The following KCNT1 variants were observed in gnomAD, a reference collection of about 807,000 sequenced individuals.
KCNT1 encodes the protein potassium channel subfamily T member 1.
KCNT1 carries 78 observed loss-of-function variants against 147.8 expected under a neutral mutation model. The ratio of observed to expected loss-of-function variants is 0.53; its 90% CI spans 0.44 to 0.64. The LOEUF is 0.64. Among genes scored for constraint, KCNT1 ranks in the 30% least tolerant of loss-of-function variants. The probability of loss-of-function intolerance (pLI) is 0.00; values close to 1 mark genes in which losing one functional copy is unlikely to be tolerated. For missense variants in KCNT1, 1,419 were observed against 1,750.3 expected, an observed-to-expected ratio of 0.81 and a Z score of 3.38; for synonymous variants, 867 against 748.8, an observed-to-expected ratio of 1.16 and a Z score of -2.58.
intron 18 of KCNT1, among the ~76,000 whole-genome samples, chr9:135,772,462 G>T (rs939712141): frequency 6.6e-6 from 1 of 152,160 alleles, no homozygotes; most frequent in Non-Finnish European, 1.5e-5. Context: ...GGCCACAGCA[G>T]CTGGCCTGGG....
intron 28 of KCNT1, 170 bp from the exon 29 acceptor site, chr9:135,786,027 G>A: frequency 1.6e-6 from 1 of 614,618 alleles, no homozygotes; most frequent in South Asian, 2.0e-5. Context: ...GAGGAGGAAG[G>A]CACATGCACC....
In KCNT1 at chr9:135,751,006, C is replaced by A. The variant is rs377259793; in HGVS notation, c.399C>A (p.Arg133=). 26 of 1,612,572 alleles carry A rather than the reference C, an allele frequency of 1.6e-5. No individual in the cohort carries two copies. Among genetic ancestry groups the A allele is most frequent in the Non-Finnish European group, 2.2e-5 (26 of 1,179,854 alleles). Residue 133 remains arginine, a synonymous_variant, in exon 4 of 31, where the codon CGC becomes CGA. Transcript: ENST00000371757. ...TCACCTGCCTGCTCTACATTGTGCGCGTCCTGCTCGATGACCCGGCCCTGG... is the reference window on the plus strand; with the variant it reads ...TCACCTGCCTGCTCTACATTGTGCGAGTCCTGCTCGATGACCCGGCCCTGG... ...KLLTCLLYIV[R]VLLDDPALGI... is the part of the protein sequence containing the mutation.
chr9:135,764,316 G>A (rs1046430342), intron 11 of KCNT1, among the ~76,000 whole-genome samples: 1 of 152,106 alleles, frequency 6.6e-6, no homozygotes, highest in African/African-American at 2.4e-5. Context: ...AAAACTAGCT[G>A]GTCATGGTGG....
rs74827913 is a variant in KCNT1 at position 135,702,590 on chromosome 9, A to G, written c.110+222A>G. 0.019 allele frequency among the ~76,000 whole-genome samples: 2,887 copies of G among 152,140 alleles called. 110 individuals carry two copies. The highest frequency in any genetic ancestry group is 0.15 in the East Asian group (760 of 5,156). ...TGCCGAGGCAGCAGCGTCCGTCCCC[A>G]TCTGTCCTCGACCTGGTAAGAAGCT... is the stretch of plus-strand genomic sequence containing the variant. On this transcript the variant is annotated intron_variant, in intron 1 of 30. Transcript: ENST00000371757.
At chr9:135,791,760 T>TG (rs748458127) in intron 29 of KCNT1, 37 bp from the exon 30 acceptor site, 476 of 1,584,870 alleles carry the variant, frequency 3.0e-4, no homozygotes, top group Middle Eastern at 5.0e-4. Flanking sequence ...GGGGCAGGGC[T>TG]GGGGGGGTGA....
At chr9:135,729,264 G>C (rs1836335836) in intron 2 of KCNT1, among the ~76,000 whole-genome samples, 1 of 152,258 alleles carries the variant, frequency 6.6e-6, no homozygotes, top group African/African-American at 2.4e-5. Flanking sequence ...GGAGGCAGCA[G>C]GGAACTGAAC....
chr9:135,768,697 C>A (rs1418381518), intron 14 of KCNT1, 24 bp downstream of exon 14: 1 of 1,547,918 alleles, frequency 6.5e-7, no homozygotes, highest in Admixed American at 2.0e-5. Context: ...AGGCCCTGCC[C>A]AGGCGGGAGG....
intron 2 of KCNT1, among the ~76,000 whole-genome samples, chr9:135,749,033 C>T (rs1830998372): frequency 6.6e-6 from 1 of 152,226 alleles, no homozygotes; most frequent in East Asian, 1.9e-4. Flanking sequence ...CTCCCCCTTC[C>T]CAGAGACGGC....
At position 135,761,120 on chromosome 9, in the gene KCNT1, A is replaced by G. The variant is rs1006486363; in HGVS notation, c.1035+1261A>G. ...TGGGCTCAAGCGATCCTCCCGCCTCAGCCCCAGAAATAGCTGGGATTACAG... is the reference window on the plus strand; with the variant it reads ...TGGGCTCAAGCGATCCTCCCGCCTCGGCCCCAGAAATAGCTGGGATTACAG... On this transcript the variant is annotated intron_variant, in intron 11 of 30. Coordinates refer to ENST00000371757, the MANE Select transcript of KCNT1 (RefSeq NM_020822.3). 7.9e-5 allele frequency among the ~76,000 whole-genome samples: 12 copies of G among 152,188 alleles called. No homozygotes were observed. In the East Asian group the frequency reaches 2.3e-3, roughly 29 times the overall value.
At chr9:135,774,605 G>A (rs1427018932) in intron 19 of KCNT1, among the ~76,000 whole-genome samples, 1 of 151,710 alleles carries the variant, frequency 6.6e-6, no homozygotes, top group Non-Finnish European at 1.5e-5. Flanking sequence ...TACGTGTTGT[G>A]TGTTGTGTAT....
chr9:135,780,367 T>A (rs1349490147), intron 24 of KCNT1, among the ~76,000 whole-genome samples: 2 of 152,160 alleles, frequency 1.3e-5, no homozygotes, highest in Non-Finnish European at 2.9e-5. Flanking sequence ...GAGGATCTAC[T>A]GAGCCAGGCC....
intron 7 of KCNT1, 112 bp downstream of exon 7, chr9:135,757,044 T>A: frequency 1.2e-6 from 1 of 864,408 alleles, no homozygotes; most frequent in South Asian, 1.6e-5. Context: ...CCCAGCCTCA[T>A]CCACTGACCT....
intron 2 of KCNT1, among the ~76,000 whole-genome samples, chr9:135,725,590 T>C (rs1193970126): frequency 6.6e-6 from 1 of 152,156 alleles, no homozygotes; most frequent in Non-Finnish European, 1.5e-5. Flanking sequence ...GAGACCGCTG[T>C]AGTTTTGGGC....
At position 135,792,136 on chromosome 9, in the gene KCNT1, A is replaced by C. The variant is rs574776706; in HGVS notation, c.3683A>C (p.Glu1228Ala). Residue 1228 changes from glutamate to alanine, a missense_variant, in exon 31 of 31, where the codon GAG becomes GCG. Physicochemically the swap from Glu to Ala is moderately radical, Grantham distance 107. Around this residue, in one of 5 missense-constraint regions of KCNT1, gnomAD observed 306 missense variants for 294.2 expected, o/e 1.04. Transcript: ENST00000371757. ...CSHKLSSCNP[E>A]TRDETQL is the part of the protein sequence containing the mutation. ...CACAAGCTGTCGTCCTGCAACCCCG[A>C]GACTCGCGACGAGACACAGCTCTGA... The C allele has an allele frequency of 7.5e-6, 12 of 1,606,130 alleles. No homozygotes were observed. Among genetic ancestry groups the C allele is most frequent in the South Asian group, 1.1e-5 (1 of 90,840 alleles).
chr9:135,740,431 C>T (rs142391193), intron 2 of KCNT1, among the ~76,000 whole-genome samples: 1 of 152,322 alleles, frequency 6.6e-6, no homozygotes, highest in African/African-American at 2.4e-5. Context: ...ACTCTTCCCC[C>T]AGTCAGCCCA....
intron 2 of KCNT1, among the ~76,000 whole-genome samples, chr9:135,718,061 C>T (rs1835786921): frequency 6.6e-6 from 1 of 152,228 alleles, no homozygotes; most frequent in Non-Finnish European, 1.5e-5. Context: ...CCCAAGCTGA[C>T]CTGGAGGAGG....
At chr9:135,786,028 C>T in intron 28 of KCNT1, 169 bp from the exon 29 acceptor site, 1 of 617,516 alleles carries the variant, frequency 1.6e-6, no homozygotes, top group Non-Finnish European at 2.8e-6. Flanking sequence ...AGGAGGAAGG[C>T]ACATGCACCC....
In KCNT1 at chr9:135,786,258, G is replaced by T. The variant is rs200250181; in HGVS notation, c.3239G>T (p.Gly1080Val). The T allele has an allele frequency of 2.5e-3, 4,030 of 1,610,928 alleles. 10 individuals carry two copies. The highest frequency in any genetic ancestry group is 3.0e-3 in the Non-Finnish European group (3,577 of 1,179,308). The part of the protein sequence containing the change: ...EDTREVKGPW[G>V]SRAGTGGSSQ... Reference sequence around the variant, plus strand: ...ACACGGGAAGTGAAGGGGCCCTGGGGCTCCCGCGCTGGCACCGGAGGCAGC... The same window carrying T: ...ACACGGGAAGTGAAGGGGCCCTGGGTCTCCCGCGCTGGCACCGGAGGCAGC... The change falls in exon 29 of 31, where the codon GGC becomes GTC. Residue 1080 changes from glycine (G) to valine (V), a missense_variant. Around this residue, in one of 5 missense-constraint regions of KCNT1, gnomAD observed 306 missense variants for 294.2 expected, o/e 1.04. Coordinates refer to ENST00000371757, the MANE Select transcript of KCNT1 (RefSeq NM_020822.3).
Position 135,756,986 on chromosome 9 carries a change from T to TC in KCNT1, c.600+58dup, listed in dbSNP as rs1450980886. 2.4e-5 allele frequency: 21 copies of TC among 892,290 alleles called. 1 individual carries two copies. The highest frequency in any genetic ancestry group is 7.0e-5 in the African/African-American group (2 of 28,702). The allele number at this position is 892,290 out of a possible 1,614,324, so 55.3% of individuals were successfully genotyped here. On this transcript the variant is annotated intron_variant, in intron 7 of 30. Coordinates refer to ENST00000371757, the MANE Select transcript of KCNT1 (RefSeq NM_020822.3). ...CAGGGGGTCCCCACCCTCCCCACCC[T>TC]CCCCAGCCTCCCCCACCTCCCCCAC...
Sources: gnomAD v4.1 joint callset for allele counts (sites outside exome capture counted in the v4.1 genomes callset) on GRCh38, gnomAD v4.1.1 for gene constraint, gnomAD v4.1.1 regional missense constraint, MANE v1.5 for transcripts, NCBI Gene and HGNC (gene_info 2026-07-23, HGNC 2026-07-21) for gene names.